The following NDUFS2 variants were observed in gnomAD, a reference collection of about 807,000 sequenced individuals.
NDUFS2 encodes NADH dehydrogenase [ubiquinone] iron-sulfur protein 2, mitochondrial.
A neutral mutation model predicts 69.6 loss-of-function variants in NDUFS2; 38 were observed. The observed-to-expected ratio is 0.55, with a 90% confidence interval of 0.42 to 0.72. The LOEUF is 0.72. Among genes scored for constraint, NDUFS2 ranks in the 30% least tolerant of loss-of-function variants. The pLI is 0.00. For missense variants in NDUFS2, 468 were observed against 595.0 expected (o/e 0.79, Z 2.22); for synonymous variants, 194 against 211.2 (o/e 0.92, Z 0.70).
At chr1:161,210,434 G>T (rs759971664) in intron 8 of NDUFS2, 45 bp downstream of exon 8, 1 of 1,601,320 alleles carries the variant, frequency 6.2e-7, no homozygotes, top group Non-Finnish European at 8.6e-7. Context: ...GGGTGGGAGT[G>T]GGGGAGTTCC....
upstream of NDUFS2, among the ~76,000 whole-genome samples, chr1:161,200,862 T>A (rs1347342227): frequency 1.3e-5 from 2 of 152,130 alleles, no homozygotes; most frequent in East Asian, 3.9e-4. Flanking sequence ...GCTGCAGCAG[T>A]GTGTGTGGGG....
upstream of NDUFS2, chr1:161,199,475 G>A (rs1329228860): frequency 6.6e-6 from 1 of 152,264 alleles, no homozygotes; most frequent in African/African-American, 2.4e-5. Context: ...CTGGTTTCCA[G>A]GGCTGAGGGG....
intron 10 of NDUFS2, among the ~76,000 whole-genome samples, chr1:161,212,895 C>T (rs930379338): frequency 2.0e-5 from 3 of 151,802 alleles, no homozygotes; most frequent in South Asian, 2.1e-4. Flanking sequence ...GTAAGAGATT[C>T]GGGTTTTTTT....
At chr1:161,202,589 T>C (rs1336163827) in intron 1 of NDUFS2, 109 bp downstream of exon 1, 3 of 1,153,972 alleles carry the variant, frequency 2.6e-6, no homozygotes, top group Non-Finnish European at 3.8e-6. Context: ...GACCCCATTG[T>C]CCATCCCTGA....
At chr1:161,213,552 C>T in intron 11 of NDUFS2, 77 bp downstream of exon 11, 2 of 1,514,440 alleles carry the variant, frequency 1.3e-6, no homozygotes, top group Middle Eastern at 1.8e-4. Flanking sequence ...ATAGCTCATT[C>T]ATCAATGAGA....
chr1:161,209,680 A>T, intron 5 of NDUFS2, 85 bp downstream of exon 5: 1 of 1,296,130 alleles, frequency 7.7e-7, no homozygotes, highest in Non-Finnish European at 1.1e-6. Flanking sequence ...TTAAAAGAAG[A>T]GAGAGAACAT....
At chr1:161,203,292 G>GT in intron 1 of NDUFS2, 145 bp from the exon 2 acceptor site, 2 of 712,940 alleles carry the variant, frequency 2.8e-6, no homozygotes. Flanking sequence ...GGCAACAAGA[G>GT]TGAAACCCAG....
At chr1:161,213,341 G>A in intron 10 of NDUFS2, 39 bp from the exon 11 acceptor site, 1 of 1,412,006 alleles carries the variant, frequency 7.1e-7, no homozygotes, top group Non-Finnish European at 1.0e-6. Context: ...GACAGAGTTT[G>A]GATATGGTTT....
intron 2 of NDUFS2, 49 bp from the exon 3 acceptor site, chr1:161,206,358 G>A: frequency 6.3e-7 from 1 of 1,596,650 alleles, no homozygotes; most frequent in Non-Finnish European, 8.6e-7. Flanking sequence ...TCTTTTGGGG[G>A]ATCCCAAGGG....
At chr1:161,198,975 G>A (rs1466182999), upstream of NDUFS2, 3 of 254,296 alleles carry the variant, frequency 1.2e-5, no homozygotes, top group Non-Finnish European at 2.2e-5. This position sits in a 1 kb window ranked among gnomAD's most constrained non-coding sequence, Gnocchi z 4.7. Context: ...GCCTTCTTCC[G>A]CTGTGCCTTT....
At chr1:161,213,755 A>AT (rs1470370511) in intron 12 of NDUFS2, 23 bp downstream of exon 12, 2 of 1,613,838 alleles carry the variant, frequency 1.2e-6, no homozygotes. Flanking sequence ...CCCAGTAACT[A>AT]TAACTCCAAT....
chr1:161,209,383 T>C (rs1228020064), intron 4 of NDUFS2, 70 bp downstream of exon 4: 5 of 1,612,588 alleles, frequency 3.1e-6, no homozygotes, highest in East Asian at 4.5e-5. Context: ...CACTTCCCCG[T>C]TGAACCCAAG....
chr1:161,207,491 C>A (rs764193896), intron 3 of NDUFS2, among the ~76,000 whole-genome samples: 1 of 152,158 alleles, frequency 6.6e-6, no homozygotes, highest in South Asian at 2.1e-4. Context: ...GCCGGGCTCA[C>A]GCCTGTAATC....
upstream of NDUFS2, chr1:161,198,090 T>G (rs750062990): frequency 2.5e-6 from 4 of 1,613,418 alleles, no homozygotes; most frequent in Non-Finnish European, 3.4e-6. The surrounding 1 kb of genome is among the most constrained non-coding windows in gnomAD (Gnocchi z 4.7). Context: ...CGGCGTAGGA[T>G]GTGAGCCCCA....
rs1181261964 is a variant in NDUFS2, at chr1:161,213,430, C to T, written c.1167C>T (p.Tyr389=). 1 of 1,611,002 alleles carries T rather than the reference C, an allele frequency of 6.2e-7. No individual in the cohort carries two copies. Among genetic ancestry groups the T allele is most frequent in the South Asian group, 1.1e-5 (1 of 90,498 alleles). ...ACTTTAAGTTGTATACTGAGGGCTA[C>T]CAAGTTCCTCCAGGAGCCACATATA... ...IHHFKLYTEG[Y]QVPPGATYTA... is the part of the protein sequence containing the mutation. The change falls in exon 11 of 14, where the codon TAC becomes TAT. Residue 389 remains tyrosine (Y), a synonymous_variant. Coordinates refer to ENST00000676972, the MANE Select transcript of NDUFS2 (RefSeq NM_001377299.1).
At chr1:161,203,212 A>G (rs1450850481) in intron 1 of NDUFS2, among the ~76,000 whole-genome samples, 1 of 152,194 alleles carries the variant, frequency 6.6e-6, no homozygotes, top group Non-Finnish European at 1.5e-5. Flanking sequence ...AGGCTGAAGC[A>G]GGAGAATCAC....
At chr1:161,202,046 G>C, upstream of NDUFS2, 1 of 425,586 alleles carries the variant, frequency 2.3e-6, no homozygotes. Context: ...GAGTAGGGAA[G>C]GAAGCGCCGC....
upstream of NDUFS2, chr1:161,198,203 A>G (rs1165644171): frequency 2.5e-6 from 4 of 1,613,978 alleles, no homozygotes; most frequent in Non-Finnish European, 3.4e-6. This position sits in a 1 kb window ranked among gnomAD's most constrained non-coding sequence, Gnocchi z 4.7. Flanking sequence ...ATCCCAGTGC[A>G]GAGATGCCAC....
upstream of NDUFS2, chr1:161,198,626 A>G (rs766660646): frequency 2.6e-6 from 4 of 1,515,158 alleles, no homozygotes; most frequent in East Asian, 4.8e-5. The surrounding 1 kb of genome is among the most constrained non-coding windows in gnomAD (Gnocchi z 4.7). Flanking sequence ...TGTCTGGGAC[A>G]TGGCACTGGT....
Sources: gnomAD v4.1 joint callset for allele counts (sites outside exome capture counted in the v4.1 genomes callset) on GRCh38, gnomAD v4.1.1 for gene constraint, Gnocchi (gnomAD v3.1) non-coding constraint, MANE v1.5 for transcripts, NCBI Gene and HGNC (gene_info 2026-07-23, HGNC 2026-07-21) for gene names.